Variants in ALK observed in about 807,000 individuals in gnomAD.
ALK encodes the protein ALK tyrosine kinase receptor.
A neutral mutation model predicts 163.1 loss-of-function variants in ALK; 74 were observed. The ratio of observed to expected loss-of-function variants is 0.45; its 90% confidence interval spans 0.38 to 0.55. ALK has a LOEUF of 0.55. Among genes scored for constraint, ALK ranks in the 20% least tolerant of loss-of-function variants. The probability of loss-of-function intolerance (pLI) is 0.00; values close to 1 mark genes in which losing one functional copy is unlikely to be tolerated. For missense variants in ALK, 2,063 were observed against 2,105.3 expected, an observed-to-expected ratio of 0.98 and a Z score of 0.39; for synonymous variants, 960 against 843.2, an observed-to-expected ratio of 1.14 and a Z score of -2.40.
At chr2:29,228,790 G>C in intron 16 of ALK, 94 bp downstream of exon 16, 1 of 865,560 alleles carries the variant, frequency 1.2e-6, no homozygotes, top group Non-Finnish European at 2.0e-6. Flanking sequence ...CACTTGGGCA[G>C]GCCAGGGGAG....
chr2:29,397,488 T>G (rs999378490), intron 4 of ALK, among the ~76,000 whole-genome samples: 1 of 152,200 alleles, frequency 6.6e-6, no homozygotes, highest in African/African-American at 2.4e-5. Flanking sequence ...AGCCACCAGT[T>G]TCTGGTACTT....
intron 11 of ALK, among the ~76,000 whole-genome samples, chr2:29,271,106 G>A (rs1429962722): frequency 6.6e-6 from 1 of 152,196 alleles, no homozygotes. Context: ...GGCCGGACCT[G>A]CCGGGCCTGA....
chr2:29,444,585 A>C (rs1462886812), intron 4 of ALK, among the ~76,000 whole-genome samples: 1 of 152,236 alleles, frequency 6.6e-6, no homozygotes, highest in Admixed American at 6.5e-5. Flanking sequence ...TTATACAAAA[A>C]AAATTAAAAA....
chr2:29,522,015 G>C (rs771380177), intron 4 of ALK, among the ~76,000 whole-genome samples: 2 of 152,194 alleles, frequency 1.3e-5, no homozygotes, highest in Non-Finnish European at 2.9e-5. Context: ...GGACAGGAAG[G>C]ACTGTATGCA....
chr2:29,524,607 G>C (rs765068603), intron 4 of ALK, among the ~76,000 whole-genome samples: 4 of 152,234 alleles, frequency 2.6e-5, no homozygotes, highest in Non-Finnish European at 5.9e-5. Context: ...TTGGCAAACT[G>C]AACATGCACT....
At chr2:29,416,147 C>G (rs6749113) in intron 4 of ALK, among the ~76,000 whole-genome samples, 65,181 of 152,114 alleles carry the variant, frequency 0.43, 15,283 homozygotes, top group East Asian at 0.71. Flanking sequence ...TATATACCCT[C>G]CTGGTTCTGT....
chr2:29,638,749 T>A (rs906863329), intron 3 of ALK, among the ~76,000 whole-genome samples: 1 of 152,150 alleles, frequency 6.6e-6, no homozygotes, highest in Non-Finnish European at 1.5e-5. Context: ...TCTGCCTATT[T>A]GGGATCAGAA....
At chr2:29,519,584 C>T (rs1672759386) in intron 4 of ALK, among the ~76,000 whole-genome samples, 1 of 152,234 alleles carries the variant, frequency 6.6e-6, no homozygotes, top group Non-Finnish European at 1.5e-5. Context: ...CTGCCACCAC[C>T]TCCTGGAACC....
chr2:29,731,916 G>C (rs1679752722), intron 1 of ALK, among the ~76,000 whole-genome samples: 1 of 152,202 alleles, frequency 6.6e-6, no homozygotes, highest in Non-Finnish European at 1.5e-5. Context: ...GGTGTTGTAG[G>C]AAGGTGAGGT....
At chr2:29,810,804 T>A (rs886219475) in intron 1 of ALK, among the ~76,000 whole-genome samples, 4 of 152,134 alleles carry the variant, frequency 2.6e-5, no homozygotes, top group Non-Finnish European at 1.5e-5. Flanking sequence ...CCAATGCAAC[T>A]GTATTTAAAG....
At position 29,906,128 on chromosome 2, in the gene ALK, C is replaced by T. The variant is rs774397762; in HGVS notation, c.667+13865G>A. On this transcript the variant is annotated intron_variant, in intron 1 of 28. Coordinates refer to ENST00000389048, the MANE Select transcript of ALK (RefSeq NM_004304.5). ...GGGGCCATGCTTTAAGAGGAGAGGG[C>T]GTGTGGGGCAGGGGGGAAGAAGCAG... Among the ~76,000 whole-genome samples, 149 of 148,834 alleles carry T rather than the reference C, an allele frequency of 1.0e-3. 2 individuals carry two copies. Among genetic ancestry groups the T allele is most frequent in the Non-Finnish European group, 2.1e-4 (14 of 66,912 alleles).
intron 13 of ALK, among the ~76,000 whole-genome samples, chr2:29,234,822 G>A (rs1664324847): frequency 6.6e-6 from 1 of 152,206 alleles, no homozygotes; most frequent in Admixed American, 6.5e-5. Flanking sequence ...TTGGCCCACT[G>A]CAACTTCTGC....
intron 3 of ALK, among the ~76,000 whole-genome samples, chr2:29,557,940 G>T (rs1195613332): frequency 2.6e-5 from 4 of 152,102 alleles, no homozygotes; most frequent in Admixed American, 2.6e-4. Flanking sequence ...GAGTCCTCTA[G>T]ACTGAGAGCC....
At chr2:29,651,353 C>T (rs1327623320) in intron 3 of ALK, among the ~76,000 whole-genome samples, 1 of 152,136 alleles carries the variant, frequency 6.6e-6, no homozygotes, top group Non-Finnish European at 1.5e-5. Flanking sequence ...ATACCTTAAA[C>T]ATTCTGTTTT....
At chr2:29,316,867 T>C (rs1558666860) in intron 8 of ALK, among the ~76,000 whole-genome samples, 1 of 152,222 alleles carries the variant, frequency 6.6e-6, no homozygotes, top group Non-Finnish European at 1.5e-5. Flanking sequence ...TAGCATAGCC[T>C]AGAAGAGGGT....
At chr2:29,204,002 A>G (rs180693339) in intron 26 of ALK, among the ~76,000 whole-genome samples, 1 of 151,808 alleles carries the variant, frequency 6.6e-6, no homozygotes, top group African/African-American at 2.4e-5. Context: ...ATATTTTCCT[A>G]TATTTTCCAT....
At chr2:29,370,924 T>C (rs1217341359) in intron 5 of ALK, among the ~76,000 whole-genome samples, 1 of 152,226 alleles carries the variant, frequency 6.6e-6, no homozygotes, top group Non-Finnish European at 1.5e-5. Flanking sequence ...CTACCAGTGA[T>C]ATAAATGATT....
intron 14 of ALK, among the ~76,000 whole-genome samples, chr2:29,233,202 G>T (rs185233931): frequency 1.3e-5 from 2 of 152,250 alleles, no homozygotes; most frequent in Admixed American, 1.3e-4. Context: ...AAGTTCAATG[G>T]CGTGATGACA....
chr2:29,895,452 A>T (rs1480710512), intron 1 of ALK, among the ~76,000 whole-genome samples: 1 of 152,244 alleles, frequency 6.6e-6, no homozygotes, highest in Non-Finnish European at 1.5e-5. Flanking sequence ...AGAGACAAGA[A>T]TTGAGGCTGG....
Sources: allele counts gnomAD v4.1 joint callset (sites outside exome capture counted in the v4.1 genomes callset), GRCh38; gene constraint gnomAD v4.1.1; transcripts MANE v1.5; gene names NCBI Gene and HGNC (gene_info 2026-07-23, HGNC 2026-07-21).